ANXA13: variants seen among roughly 807,000 people sequenced by gnomAD.
ANXA13 encodes annexin XIII.
A neutral mutation model predicts 46.6 loss-of-function variants in ANXA13; 36 were observed. That is an observed-to-expected ratio of 0.77 (90% confidence interval 0.59 to 1.02). The LOEUF (loss-of-function observed/expected upper bound fraction) is 1.02. ANXA13 is among the 50% of genes least tolerant of loss of function. The probability of loss-of-function intolerance (pLI) is 0.00; values close to 1 mark genes in which losing one functional copy is unlikely to be tolerated. For synonymous variants in ANXA13, 163 were observed against 152.9 expected, an observed-to-expected ratio of 1.07 and a Z score of -0.49; for missense variants, 417 against 396.5, an observed-to-expected ratio of 1.05 and a Z score of -0.44.
chr8:123,737,377 TC>T lies in ANXA13; in HGVS notation c.-44del. The T allele has an allele frequency of 6.4e-7, 1 of 1,561,254 alleles. No individual in the cohort carries two copies. Among genetic ancestry groups the T allele is most frequent in the East Asian group, 2.3e-5 (1 of 44,012 alleles). On this transcript the variant is annotated 5_prime_UTR_variant, in exon 1 of 11. Coordinates refer to ENST00000419625, the MANE Select transcript of ANXA13 (RefSeq NM_004306.4). ...GGTTTTTCTGTATTTCATCAAGAGA[TC>T]AGTCCTCCTACAGGCAAAGTTTACA...
At chr8:123,709,961 G>A (rs1434207896) in intron 2 of ANXA13, among the ~76,000 whole-genome samples, 2 of 152,154 alleles carry the variant, frequency 1.3e-5, no homozygotes, top group East Asian at 3.9e-4. Flanking sequence ...GTTTCACCAT[G>A]TTGGCCAGGC....
At chr8:123,704,982 C>T (rs991310143) in intron 2 of ANXA13, among the ~76,000 whole-genome samples, 7 of 152,238 alleles carry the variant, frequency 4.6e-5, no homozygotes, top group Admixed American at 2.0e-4. Context: ...CAACTTCCCA[C>T]GGATCTCCCA....
intron 2 of ANXA13, among the ~76,000 whole-genome samples, chr8:123,710,653 A>G (rs371348925): frequency 1.3e-5 from 2 of 151,718 alleles, no homozygotes; most frequent in African/African-American, 4.8e-5. Flanking sequence ...CCTAGCTAGG[A>G]TGTCTCTAAA....
intron 2 of ANXA13, among the ~76,000 whole-genome samples, chr8:123,710,401 T>G (rs1195582774): frequency 1.3e-5 from 2 of 152,192 alleles, no homozygotes; most frequent in Non-Finnish European, 2.9e-5. Context: ...TCTGGGGTGA[T>G]GAAATGTTCT....
At chr8:123,698,793 G>A (rs1813392562) in intron 3 of ANXA13, among the ~76,000 whole-genome samples, 3 of 152,184 alleles carry the variant, frequency 2.0e-5, no homozygotes, top group Admixed American at 6.5e-5. Context: ...AGACCTCACC[G>A]ATGAATCACA....
At chr8:123,737,248 G>T in intron 1 of ANXA13, 72 bp downstream of exon 1, 1 of 1,399,144 alleles carries the variant, frequency 7.1e-7, no homozygotes, top group Non-Finnish European at 1.0e-6. Context: ...TATCAGTCAT[G>T]ATTTTATAGT....
intron 2 of ANXA13, among the ~76,000 whole-genome samples, chr8:123,708,883 A>C (rs1450977903): frequency 6.6e-6 from 1 of 152,060 alleles, no homozygotes; most frequent in African/African-American, 2.4e-5. Flanking sequence ...CTCTGTCTCC[A>C]TCTGCCCATG....
intron 2 of ANXA13, among the ~76,000 whole-genome samples, chr8:123,707,543 C>T (rs1813561223): frequency 2.0e-5 from 3 of 152,088 alleles, no homozygotes; most frequent in South Asian, 4.1e-4. Flanking sequence ...ATGTCCTTTG[C>T]AGGGACATGG....
chr8:123,684,567 A>G (rs1472097071), intron 10 of ANXA13, 43 bp downstream of exon 10: 1 of 1,362,134 alleles, frequency 7.3e-7, no homozygotes, highest in Non-Finnish European at 1.1e-6. Context: ...GGTGGAAAAA[A>G]GAGAAGTTGC....
chr8:123,687,401 G>A (rs1008154711), intron 9 of ANXA13, among the ~76,000 whole-genome samples: 6 of 152,022 alleles, frequency 3.9e-5, no homozygotes, highest in African/African-American at 7.3e-5. Flanking sequence ...CAAGGTCATC[G>A]CCGAGGTCTG....
chr8:123,694,486 C>T (rs1394083002), intron 6 of ANXA13, among the ~76,000 whole-genome samples: 1 of 152,140 alleles, frequency 6.6e-6, no homozygotes, highest in Non-Finnish European at 1.5e-5. Context: ...TGGTGCACTG[C>T]CTTGGGGGAC....
chr8:123,702,610 G>T (rs1813464456), intron 3 of ANXA13, 32 bp downstream of exon 3: 4 of 1,577,658 alleles, frequency 2.5e-6, no homozygotes, highest in Non-Finnish European at 3.5e-6. Context: ...GCCATGGCTG[G>T]GTGCAAGCTT....
In ANXA13 at chr8:123,681,814, G is replaced by A. The variant is rs182062110; in HGVS notation, c.832-455C>T. Among the ~76,000 whole-genome samples, 417 of 151,778 alleles carry A rather than the reference G, an allele frequency of 2.7e-3. 2 individuals carry two copies. The highest frequency in any genetic ancestry group is 9.6e-3 in the African/African-American group (399 of 41,404). On this transcript the variant is annotated intron_variant, in intron 10 of 10. Coordinates refer to ENST00000419625, the MANE Select transcript of ANXA13 (RefSeq NM_004306.4). ...TTTTTTCTGTATTTTTAGTAGAGAC[G>A]GGGGTTTCATCATGTTGGCCAGACT...
chr8:123,718,604 A>G (rs1461076607), intron 1 of ANXA13, among the ~76,000 whole-genome samples: 1 of 152,202 alleles, frequency 6.6e-6, no homozygotes, highest in Non-Finnish European at 1.5e-5. Flanking sequence ...TGCATGAACA[A>G]GGCAGCACTG....
At chr8:123,706,663 C>T (rs1006229014) in intron 2 of ANXA13, among the ~76,000 whole-genome samples, 2 of 152,240 alleles carry the variant, frequency 1.3e-5, no homozygotes, top group East Asian at 1.9e-4. Context: ...GCATTCACTG[C>T]CCCCAGAACA....
intron 4 of ANXA13, 78 bp from the exon 5 acceptor site, chr8:123,695,799 G>C: frequency 7.7e-7 from 1 of 1,301,274 alleles, no homozygotes; most frequent in Non-Finnish European, 1.1e-6. Flanking sequence ...GAAGAGGCGG[G>C]AGACCATGTC....
chr8:123,735,227 T>C (rs1814232933), intron 1 of ANXA13, among the ~76,000 whole-genome samples: 1 of 152,082 alleles, frequency 6.6e-6, no homozygotes, highest in Non-Finnish European at 1.5e-5. Flanking sequence ...GTTGATGACA[T>C]ACATTTAAAC....
chr8:123,715,328 A>T (rs1432460549), intron 1 of ANXA13, among the ~76,000 whole-genome samples: 2 of 152,226 alleles, frequency 1.3e-5, no homozygotes, highest in East Asian at 3.8e-4. Flanking sequence ...TCAAATTCTG[A>T]AGGAGCTGGT....
intron 1 of ANXA13, chr8:123,728,276 A>G (rs1174395288): frequency 9.2e-5 from 14 of 152,230 alleles, no homozygotes; most frequent in Admixed American, 6.5e-4. Flanking sequence ...ACCTCTGAAG[A>G]GTGCTAAACT....
Sources: allele counts gnomAD v4.1 joint callset (sites outside exome capture counted in the v4.1 genomes callset), GRCh38; gene constraint gnomAD v4.1.1; transcripts MANE v1.5; gene names NCBI Gene and HGNC (gene_info 2026-07-23, HGNC 2026-07-21).